Variants in KRT86 observed in about 807,000 individuals in gnomAD.
The protein encoded by KRT86 is keratin, type II cuticular Hb6.
A neutral mutation model predicts 41.2 loss-of-function variants in KRT86; 30 were observed. The observed-to-expected ratio is 0.73, with a 90% CI of 0.54 to 0.99. The LOEUF (loss-of-function observed/expected upper bound fraction) is 0.99, where lower values mean the gene tolerates loss of function less well. Among genes scored for constraint, KRT86 ranks in the 50% least tolerant of loss-of-function variants. The pLI, the probability that KRT86 is intolerant of heterozygous loss-of-function variation, is 0.00. For synonymous variants in KRT86, 238 were observed against 238.1 expected, an observed-to-expected ratio of 1.00 and a Z score of 0.00; for missense variants, 561 against 571.4, an observed-to-expected ratio of 0.98 and a Z score of 0.19.
At chr12:52,296,967 T>C (rs376830650) in intron 2 of KRT86, among the ~76,000 whole-genome samples, 39 of 152,228 alleles carry the variant, frequency 2.6e-4, no homozygotes, top group African/African-American at 9.2e-4. Context: ...ATGAGGGCTG[T>C]GCCTCAACCG....
At chr12:52,285,211 G>A (rs998545553) in intron 2 of KRT86, among the ~76,000 whole-genome samples, 2 of 152,150 alleles carry the variant, frequency 1.3e-5, no homozygotes, top group African/African-American at 4.8e-5. Context: ...ACTCACCTAG[G>A]AAGGACCAGG....
intron 2 of KRT86, among the ~76,000 whole-genome samples, chr12:52,276,820 C>T (rs766687908): frequency 1.3e-5 from 2 of 152,182 alleles, no homozygotes; most frequent in Non-Finnish European, 2.9e-5. Flanking sequence ...CCTCTCACAC[C>T]CCCGCTGGCT....
intron 2 of KRT86, among the ~76,000 whole-genome samples, chr12:52,298,110 C>T (rs1229009986): frequency 6.6e-6 from 1 of 152,232 alleles, no homozygotes; most frequent in African/African-American, 2.4e-5. Flanking sequence ...AGCCTCTCTT[C>T]TCATCCAGTA....
rs754153541 is a variant in KRT86, at chr12:52,301,978, G to A, written c.62G>A (p.Arg21Gln). Residue 21 changes from arginine (R) to glutamine (Q), a missense_variant, in exon 3 of 11, where the codon CGG becomes CAG. Arg to Gln is a conservative substitution (Grantham distance 43). This residue lies in a region of KRT86 where 164 missense variants were observed against 172.5 expected (regional missense o/e 0.95). Transcript: ENST00000423955. ...AFSCISACGP[R>Q]PGRCCITAAP... ...AGCTGCATCTCGGCCTGCGGGCCCC[G>A]GCCCGGCCGCTGCTGCATCACCGCC... The A allele has an allele frequency of 5.0e-6, 8 of 1,613,242 alleles. No individual in the cohort carries two copies. The highest frequency in any genetic ancestry group is 4.0e-5 in the African/African-American group (3 of 74,914).
chr12:52,283,470 A>ATTTTTTTT (rs200241229), intron 2 of KRT86, among the ~76,000 whole-genome samples: 1 of 65,348 alleles, frequency 1.5e-5, no homozygotes. Context: ...TAATCCAAGC[A>ATTTTTTTT]TTTTTTTTTT....
chr12:52,306,008 A>T, intron 8 of KRT86, 52 bp from the exon 9 acceptor site: 1 of 1,608,320 alleles, frequency 6.2e-7, no homozygotes, highest in Non-Finnish European at 8.5e-7. Context: ...CGAGGTAAGC[A>T]TCAGAGAGAC....
rs1937927854 is a variant in KRT86, at chr12:52,286,299, A to T, written c.-5+10353A>T. On this transcript the variant is annotated intron_variant, in intron 2 of 10. Transcript: ENST00000423955. ...CTGCCGCAAGACCCCACACCCAGGG[A>T]GCTGATACCACAGGAGCCCACGCCG... The T allele has an allele frequency of 1.3e-6, 2 of 1,554,574 alleles. No homozygotes were observed. The highest frequency in any genetic ancestry group is 8.7e-7 in the Non-Finnish European group (1 of 1,148,582).
chr12:52,280,796 TG>T (rs2121202105), intron 2 of KRT86, among the ~76,000 whole-genome samples: 1 of 152,348 alleles, frequency 6.6e-6, no homozygotes, highest in Admixed American at 6.5e-5. Flanking sequence ...CCTTGCATTT[TG>T]CTAGGGGATC....
chr12:52,300,455 G>A (rs1010009210), intron 2 of KRT86, among the ~76,000 whole-genome samples: 1 of 152,182 alleles, frequency 6.6e-6, no homozygotes, highest in African/African-American at 2.4e-5. Flanking sequence ...GGAGTCCACT[G>A]AGCATGTACA....
intron 2 of KRT86, chr12:52,285,878 T>C (rs1332202736): frequency 9.8e-6 from 3 of 304,980 alleles, no homozygotes; most frequent in East Asian, 7.9e-5. Flanking sequence ...CCCCGACCCC[T>C]GAGGAGGGTA....
chr12:52,286,623 C>T (rs1453112082), intron 2 of KRT86: 1 of 1,200,346 alleles, frequency 8.3e-7, no homozygotes, highest in Non-Finnish European at 1.2e-6. Context: ...ATTCTAGGTC[C>T]ATCTAGTCCA....
In KRT86 at chr12:52,302,270, G is replaced by C. The variant is rs1204545830; in HGVS notation, c.354G>C (p.Ala118=). ...TCAAGTCCCTCAACAGCAGGTTCGC[G>C]GCCTTCATCGACAAGGTGGGTGTCC... ...EQIKSLNSRF[A]AFIDKVRFLE... The change falls in exon 3 of 11, where the codon GCG becomes GCC. Residue 118 remains alanine, a synonymous_variant. Coordinates refer to ENST00000423955, the MANE Select transcript of KRT86 (RefSeq NM_001320198.2). 1 of 776,366 alleles carries C rather than the reference G, an allele frequency of 1.3e-6. No homozygotes were observed. Among genetic ancestry groups the C allele is most frequent in the Non-Finnish European group, 1.9e-6 (1 of 530,840 alleles). 48.1% of individuals were successfully genotyped at this position (776,366 alleles called of 1,614,324 possible). A position where few individuals can be genotyped will look rare whatever the true frequency, so the allele number is the denominator to read the frequency against.
rs985846154 is a variant in KRT86 at position 52,308,744 on chromosome 12, C to T, written c.*159C>T. 7.3e-6 allele frequency: 5 copies of T among 682,060 alleles called. No individual in the cohort carries two copies. Among genetic ancestry groups the T allele is most frequent in the South Asian group, 3.8e-5 (2 of 52,956 alleles). 42.3% of individuals were successfully genotyped at this position (682,060 alleles called of 1,614,324 possible). On this transcript the variant is annotated 3_prime_UTR_variant, in exon 11 of 11. Coordinates refer to ENST00000423955, the MANE Select transcript of KRT86 (RefSeq NM_001320198.2). ...ACCGCTCCGCTCCGGGAGCCATCCC[C>T]GGTCGCAGGAGTCCGGGGAGGGCCG...
chr12:52,285,881 G>C (rs1937912375), intron 2 of KRT86: 1 of 307,632 alleles, frequency 3.3e-6, no homozygotes, highest in African/African-American at 2.2e-5. Flanking sequence ...CGACCCCTGA[G>C]GAGGGTAATA....
rs1938568958 is a variant in KRT86, at chr12:52,308,455, C to T, written c.1331C>T (p.Thr444Ile). 3 of 1,611,724 alleles carry T rather than the reference C, an allele frequency of 1.9e-6. No homozygotes were observed. Among genetic ancestry groups the T allele is most frequent in the African/African-American group, 1.3e-5 (1 of 74,940 alleles). ...GTCTGTGGCGATCTCTGCGCCTCCA[C>T]TACTGCCCCTGTTGTCTCCACCAGA... ...GVVCGDLCAS[T>I]TAPVVSTRVS... Residue 444 changes from threonine (T) to isoleucine (I), a missense_variant, in exon 11 of 11, where the codon ACT (threonine) becomes ATT (isoleucine). Thr to Ile is a moderately conservative substitution (Grantham distance 89, BLOSUM62 -1). This residue lies in a region of KRT86 where 397 missense variants were observed against 375.9 expected (regional missense o/e 1.06). Transcript: ENST00000423955.
At chr12:52,279,838 C>A (rs1195784701) in intron 2 of KRT86, among the ~76,000 whole-genome samples, 2 of 152,156 alleles carry the variant, frequency 1.3e-5, no homozygotes, top group Non-Finnish European at 2.9e-5. Flanking sequence ...CATTCTCCAT[C>A]CATCCATTCA....
intron 9 of KRT86, 99 bp from the exon 10 acceptor site, chr12:52,308,134 A>G (rs1938558979): frequency 6.6e-7 from 1 of 1,519,776 alleles, no homozygotes; most frequent in South Asian, 1.1e-5. Context: ...CCCTTGGGCA[A>G]GTGCCCAGAT....
chr12:52,283,488 T>C (rs1299219644), intron 2 of KRT86, among the ~76,000 whole-genome samples: 2 of 143,952 alleles, frequency 1.4e-5, no homozygotes, highest in African/African-American at 5.3e-5. Flanking sequence ...TTTTTTTTTT[T>C]TTTTTTTGAG....
chr12:52,282,614 T>A (rs1937801771), intron 2 of KRT86, among the ~76,000 whole-genome samples: 1 of 151,986 alleles, frequency 6.6e-6, no homozygotes, highest in South Asian at 2.1e-4. Flanking sequence ...GGAGTGAGAG[T>A]GACCATAGGG....
Sources: gnomAD v4.1 joint callset for allele counts (sites outside exome capture counted in the v4.1 genomes callset) on GRCh38, gnomAD v4.1.1 for gene constraint, gnomAD v4.1.1 regional missense constraint, MANE v1.5 for transcripts, NCBI Gene and HGNC (gene_info 2026-07-23, HGNC 2026-07-21) for gene names.